CEP128: variants seen among roughly 807,000 people sequenced by gnomAD.
CEP128 encodes the protein centrosomal protein 128kDa.
In CEP128, 132 loss-of-function variants were observed where a neutral mutation model predicts 156.7. The ratio of observed to expected loss-of-function variants is 0.84; its 90% confidence interval spans 0.73 to 0.97. CEP128 has a LOEUF of 0.97. CEP128 is among the 50% of genes least tolerant of loss of function. The probability of loss-of-function intolerance (pLI) is 0.00; values close to 1 mark genes in which losing one functional copy is unlikely to be tolerated. For missense variants in CEP128, 1,252 were observed against 1,281.9 expected, an observed-to-expected ratio of 0.98 and a Z score of 0.36; for synonymous variants, 469 against 448.9, an observed-to-expected ratio of 1.04 and a Z score of -0.57.
chr14:80,940,846 T>G (rs775138281), intron 1 of CEP128, among the ~76,000 whole-genome samples: 3 of 152,204 alleles, frequency 2.0e-5, no homozygotes, highest in Non-Finnish European at 4.4e-5. Flanking sequence ...GTATTTGTAT[T>G]AGACAACACT....
intron 19 of CEP128, among the ~76,000 whole-genome samples, chr14:80,681,448 C>T (rs1324699441): frequency 6.6e-6 from 1 of 152,086 alleles, no homozygotes; most frequent in Non-Finnish European, 1.5e-5. Flanking sequence ...ATTCAAAGGC[C>T]AGACATGGTG....
intron 21 of CEP128, among the ~76,000 whole-genome samples, chr14:80,540,501 G>A (rs779217233): frequency 3.3e-5 from 5 of 152,222 alleles, no homozygotes; most frequent in Non-Finnish European, 5.9e-5. Flanking sequence ...GTAGGAGCTT[G>A]CAGCCAGGTG....
At chr14:80,800,143 C>T (rs1451148580) in intron 13 of CEP128, among the ~76,000 whole-genome samples, 2 of 152,140 alleles carry the variant, frequency 1.3e-5, no homozygotes, top group African/African-American at 2.4e-5. Flanking sequence ...TGATGTCACC[C>T]CCAGTGGCCC....
chr14:80,915,177 C>G (rs1884475771), intron 3 of CEP128, among the ~76,000 whole-genome samples: 2 of 146,908 alleles, frequency 1.4e-5, no homozygotes, highest in African/African-American at 5.1e-5. Flanking sequence ...CTATGCCCAG[C>G]TAAATTTTTT....
intron 9 of CEP128, among the ~76,000 whole-genome samples, chr14:80,844,435 T>C (rs1384563916): frequency 6.6e-6 from 1 of 152,058 alleles, no homozygotes; most frequent in Non-Finnish European, 1.5e-5. Context: ...AGGAATTCAA[T>C]ATTGATACTA....
chr14:80,796,610 C>A (rs977405550), intron 13 of CEP128, among the ~76,000 whole-genome samples: 9 of 152,178 alleles, frequency 5.9e-5, no homozygotes, highest in Non-Finnish European at 1.2e-4. Flanking sequence ...TTCATAATCT[C>A]CTTTCCTGAG....
intron 19 of CEP128, among the ~76,000 whole-genome samples, chr14:80,679,989 A>C (rs28825072): frequency 0.027 from 4,091 of 152,322 alleles, 181 homozygotes; most frequent in African/African-American, 0.093. Context: ...GGTTCCCCCG[A>C]TAGGTCCATA....
At chr14:80,495,155 A>G (rs1391668179), downstream of CEP128, among the ~76,000 whole-genome samples, 1 of 152,224 alleles carries the variant, frequency 6.6e-6, no homozygotes, top group African/African-American at 2.4e-5. Flanking sequence ...CAGTGCTACA[A>G]GCAATATGGT....
intron 9 of CEP128, among the ~76,000 whole-genome samples, chr14:80,849,750 AATCT>A (rs1367526657): frequency 6.6e-6 from 1 of 152,152 alleles, no homozygotes; most frequent in African/African-American, 2.4e-5. Flanking sequence ...GGCAAAGGAT[AATCT>A]ATCTGTTGGA....
intron 2 of CEP128, among the ~76,000 whole-genome samples, chr14:80,922,096 C>G (rs1332593124): frequency 6.6e-6 from 1 of 152,096 alleles, no homozygotes; most frequent in Admixed American, 6.5e-5. Flanking sequence ...ATTTAAAGAC[C>G]TCTTCAGAGA....
intron 19 of CEP128, among the ~76,000 whole-genome samples, chr14:80,655,218 T>A (rs1895078201): frequency 1.3e-5 from 2 of 152,210 alleles, no homozygotes; most frequent in Non-Finnish European, 2.9e-5. Flanking sequence ...AATTCAGGAA[T>A]AAAATATTAA....
At chr14:80,747,211 C>A (rs975275477) in intron 18 of CEP128, among the ~76,000 whole-genome samples, 1 of 152,132 alleles carries the variant, frequency 6.6e-6, no homozygotes, top group Admixed American at 6.5e-5. Context: ...TACCATATAA[C>A]CCAGCAGTTC....
intron 19 of CEP128, among the ~76,000 whole-genome samples, chr14:80,705,135 G>C (rs1310974035): frequency 6.6e-6 from 1 of 151,642 alleles, no homozygotes; most frequent in African/African-American, 2.4e-5. Flanking sequence ...CATGAAAGAA[G>C]TAATCAGTAT....
intron 19 of CEP128, among the ~76,000 whole-genome samples, chr14:80,712,900 C>T (rs1897465108): frequency 6.6e-6 from 1 of 152,146 alleles, no homozygotes; most frequent in Non-Finnish European, 1.5e-5. Flanking sequence ...GGACCAGAAG[C>T]CTCTTCCAAA....
In CEP128 at chr14:80,831,388, A is replaced by G. The variant is rs1334664536; in HGVS notation, c.1058-94T>C. 8 of 1,292,852 alleles carry G rather than the reference A, an allele frequency of 6.2e-6. No homozygotes were observed. The Admixed American group carries it at 1.8e-4, about 28-fold the overall frequency. 80.1% of individuals were successfully genotyped at this position (1,292,852 alleles called of 1,614,324 possible). On this transcript the variant is annotated intron_variant, in intron 12 of 24. Coordinates refer to ENST00000555265, the MANE Select transcript of CEP128 (RefSeq NM_152446.5). The stretch of plus-strand genomic sequence containing the variant: ...CTGAGCCCTGATGTTTCAATATTCT[A>G]GCTATCATAATCCATTTATTGACAG...
chr14:80,633,097 T>C (rs1038945182), intron 19 of CEP128, among the ~76,000 whole-genome samples: 9 of 151,890 alleles, frequency 5.9e-5, no homozygotes, highest in Non-Finnish European at 1.3e-4. Context: ...TATGGTGATG[T>C]GTGTCTGTAG....
chr14:80,916,131 G>A (rs560315108), intron 3 of CEP128, among the ~76,000 whole-genome samples: 1 of 152,264 alleles, frequency 6.6e-6, no homozygotes, highest in Admixed American at 6.5e-5. Flanking sequence ...AAGAAATGTG[G>A]GCAGCCTCTA....
At position 80,534,685 on chromosome 14, in the gene CEP128, C is replaced by T. The variant is rs552064589; in HGVS notation, c.2881-3799G>A. On this transcript the variant is annotated intron_variant, in intron 21 of 24. Coordinates refer to ENST00000555265, the MANE Select transcript of CEP128 (RefSeq NM_152446.5). The stretch of plus-strand genomic sequence containing the variant: ...CTAAAAATACAAAAAATTAGCCGGG[C>T]GCGGTGGCGGGCACCTGTAGTCCCA... Among the ~76,000 whole-genome samples, 8 of 152,000 alleles carry T rather than the reference C, an allele frequency of 5.3e-5. No homozygotes were observed. The South Asian group carries it at 6.2e-4, about 12-fold the overall frequency.
intron 19 of CEP128, among the ~76,000 whole-genome samples, chr14:80,629,736 G>A (rs1893886078): frequency 6.6e-6 from 1 of 151,786 alleles, no homozygotes; most frequent in Non-Finnish European, 1.5e-5. Context: ...GAGGTTTTTG[G>A]CCCTTGTTTT....
Sources: gnomAD v4.1 joint callset for allele counts (sites outside exome capture counted in the v4.1 genomes callset) on GRCh38, gnomAD v4.1.1 for gene constraint, MANE v1.5 for transcripts, NCBI Gene and HGNC (gene_info 2026-07-23, HGNC 2026-07-21) for gene names.